Variants in SOX6 observed in about 807,000 individuals in gnomAD.
The protein encoded by SOX6 is SRY-box transcription factor 6.
SOX6 carries 11 observed loss-of-function variants against 97.8 expected under a neutral mutation model. The observed-to-expected ratio is 0.11, with a 90% CI of 0.07 to 0.19. SOX6 has a LOEUF of 0.19. Among genes scored for constraint, SOX6 ranks in the 10% least tolerant of loss-of-function variants. The pLI is 1.00. For synonymous variants in SOX6, 360 were observed against 371.4 expected (o/e 0.97, Z 0.35); for missense variants, 810 against 1,039.5 (o/e 0.78, Z 3.04).
intron 4 of SOX6, among the ~76,000 whole-genome samples, chr11:16,555,669 A>G (rs1489321001): frequency 6.6e-6 from 1 of 151,696 alleles, no homozygotes; most frequent in Admixed American, 6.6e-5. Flanking sequence ...TAGAAGGAAT[A>G]CATATAAAGT....
intron 6 of SOX6, among the ~76,000 whole-genome samples, chr11:16,141,273 T>A (rs1004041472): frequency 2.6e-5 from 4 of 152,144 alleles, no homozygotes; most frequent in Non-Finnish European, 4.4e-5. Flanking sequence ...AGAATGGAAG[T>A]GAAATGAGAT....
At chr11:16,643,743 G>A (rs528346276) in intron 3 of SOX6, among the ~76,000 whole-genome samples, 29 of 152,080 alleles carry the variant, frequency 1.9e-4, no homozygotes, top group African/African-American at 4.3e-4. Flanking sequence ...CTGGTGTGCC[G>A]TTTGCTAAGA....
chr11:16,357,729 C>T (rs372682377), upstream of SOX6, among the ~76,000 whole-genome samples: 19 of 152,142 alleles, frequency 1.2e-4, no homozygotes, highest in East Asian at 5.8e-4. Flanking sequence ...ACAAATAATG[C>T]TTAGTAGATG....
chr11:16,346,694 T>C (rs939262702), intron 1 of SOX6, among the ~76,000 whole-genome samples: 9 of 152,098 alleles, frequency 5.9e-5, no homozygotes, highest in African/African-American at 1.9e-4. Flanking sequence ...TTCTAGAGTT[T>C]GTAGCAGCAC....
intron 4 of SOX6, among the ~76,000 whole-genome samples, chr11:16,599,482 G>A (rs538101752): frequency 3.7e-4 from 56 of 152,122 alleles, no homozygotes; most frequent in African/African-American, 1.2e-3. Context: ...AAAATCAAAC[G>A]TCCCTCTATA....
intron 3 of SOX6, among the ~76,000 whole-genome samples, chr11:16,310,232 G>C (rs1055255494): frequency 3.3e-5 from 5 of 151,954 alleles, no homozygotes; most frequent in Admixed American, 1.3e-4. Flanking sequence ...AAATAACGAA[G>C]AGTTGCCCAG....
intron 1 of SOX6, among the ~76,000 whole-genome samples, chr11:16,432,922 T>A (rs1305469239): frequency 6.6e-6 from 1 of 152,036 alleles, no homozygotes; most frequent in Non-Finnish European, 1.5e-5. Flanking sequence ...ACTCGAATAT[T>A]AAAACCATTT....
At chr11:16,650,091 T>C (rs954216510) in intron 3 of SOX6, among the ~76,000 whole-genome samples, 2 of 152,142 alleles carry the variant, frequency 1.3e-5, no homozygotes, top group African/African-American at 4.8e-5. Flanking sequence ...ATCACAAGCC[T>C]AAATACATAT....
intron 1 of SOX6, among the ~76,000 whole-genome samples, chr11:16,350,752 T>C (rs1284481847): frequency 1.3e-5 from 2 of 152,172 alleles, no homozygotes; most frequent in African/African-American, 2.4e-5. Flanking sequence ...CTCATTAAAA[T>C]ATTTTGTTTA....
intron 3 of SOX6, among the ~76,000 whole-genome samples, chr11:16,665,870 G>C (rs895545462): frequency 2.6e-5 from 4 of 152,094 alleles, no homozygotes; most frequent in Non-Finnish European, 4.4e-5. Flanking sequence ...GAGAAAATAA[G>C]GAAAAAGAAC....
At chr11:16,515,138 G>T (rs1860949367) in intron 4 of SOX6, among the ~76,000 whole-genome samples, 1 of 149,654 alleles carries the variant, frequency 6.7e-6, no homozygotes, top group Non-Finnish European at 1.5e-5. Flanking sequence ...TTCCACAATG[G>T]TTGAACTAGT....
intron 3 of SOX6, among the ~76,000 whole-genome samples, chr11:16,249,996 C>A (rs981762341): frequency 2.0e-5 from 3 of 152,140 alleles, no homozygotes; most frequent in Non-Finnish European, 4.4e-5. Context: ...GGGGTTTCCC[C>A]ACTAAGTTTC....
intron 1 of SOX6, among the ~76,000 whole-genome samples, chr11:16,399,075 A>G (rs1858459766): frequency 6.6e-6 from 1 of 151,292 alleles, no homozygotes; most frequent in South Asian, 2.1e-4. Flanking sequence ...CCTCTCTACC[A>G]CTTCCTAGAT....
At chr11:16,367,710 TCAC>T (rs1367095688) in intron 1 of SOX6, among the ~76,000 whole-genome samples, 2 of 152,184 alleles carry the variant, frequency 1.3e-5, no homozygotes, top group Non-Finnish European at 2.9e-5. Flanking sequence ...TAGGAGCTTA[TCAC>T]CACAACAGTG....
intron 4 of SOX6, among the ~76,000 whole-genome samples, chr11:16,528,621 G>A (rs913350267): frequency 1.3e-5 from 2 of 152,034 alleles, no homozygotes; most frequent in Admixed American, 1.3e-4. Context: ...AGTGAAATAG[G>A]GAAATGTAAG....
chr11:16,673,186 C>T (rs570296806), intron 3 of SOX6, among the ~76,000 whole-genome samples: 2 of 152,110 alleles, frequency 1.3e-5, no homozygotes, highest in East Asian at 1.9e-4. Flanking sequence ...TTCAAATAAC[C>T]TAACAATGTG....
intron 1 of SOX6, among the ~76,000 whole-genome samples, chr11:16,373,080 A>T (rs1034992814): frequency 6.6e-6 from 1 of 152,106 alleles, no homozygotes; most frequent in African/African-American, 2.4e-5. Flanking sequence ...ATTGTACAGA[A>T]TGTTATTCCT....
intron 1 of SOX6, among the ~76,000 whole-genome samples, chr11:16,448,109 T>C (rs994385715): frequency 3.3e-5 from 5 of 152,220 alleles, no homozygotes; most frequent in Non-Finnish European, 7.3e-5. Flanking sequence ...ACCTATACAC[T>C]GGATAACTCT....
intron 2 of SOX6, among the ~76,000 whole-genome samples, chr11:16,327,537 T>C (rs1482192680): frequency 1.3e-5 from 2 of 152,136 alleles, no homozygotes; most frequent in African/African-American, 4.8e-5. Flanking sequence ...AACTTTAGCA[T>C]TTATAATTTG....
Sources: allele counts gnomAD v4.1 joint callset (sites outside exome capture counted in the v4.1 genomes callset), GRCh38; gene constraint gnomAD v4.1.1; transcripts MANE v1.5; gene names NCBI Gene and HGNC (gene_info 2026-07-23, HGNC 2026-07-21).